The following ERICH1 variants were observed in gnomAD, a reference collection of about 807,000 sequenced individuals.
ERICH1 encodes the protein glutamate-rich protein 1.
In ERICH1, 56 loss-of-function variants were observed where a neutral mutation model predicts 39.6. That is an observed-to-expected ratio of 1.41 (90% CI 1.14 to 1.77). The LOEUF (loss-of-function observed/expected upper bound fraction) is 1.77. Ranked by LOEUF, ERICH1 falls within the 40% of genes most tolerant of loss-of-function variation. The pLI, the probability that ERICH1 is intolerant of heterozygous loss-of-function variation, is 0.00. For synonymous variants in ERICH1, 313 were observed against 223.6 expected (o/e 1.40, Z -3.57); for missense variants, 826 against 575.4 (o/e 1.44, Z -4.45).
intron 2 of ERICH1, among the ~76,000 whole-genome samples, chr8:697,038 C>T (rs1192452236): frequency 6.6e-6 from 1 of 152,190 alleles, no homozygotes; most frequent in African/African-American, 2.4e-5. Context: ...GATCTCCTGT[C>T]CTCAGGGTGA....
chr8:690,723 G>C (rs1808716748), intron 3 of ERICH1, among the ~76,000 whole-genome samples: 1 of 152,284 alleles, frequency 6.6e-6, no homozygotes, highest in Non-Finnish European at 1.5e-5. Context: ...TGAATGCCCA[G>C]GGGGCCTGGT....
At chr8:682,669 T>G (rs531793193) in intron 3 of ERICH1, among the ~76,000 whole-genome samples, 3 of 152,332 alleles carry the variant, frequency 2.0e-5, no homozygotes, top group African/African-American at 7.2e-5. Flanking sequence ...ACACACTAAC[T>G]TTAAAAGGAG....
At chr8:623,321 T>C (rs1797402480) in intron 3 of ERICH1, among the ~76,000 whole-genome samples, 1 of 152,078 alleles carries the variant, frequency 6.6e-6, no homozygotes, top group Non-Finnish European at 1.5e-5. Context: ...AGGAAAGAAA[T>C]TTGAGGAAAC....
At chr8:725,554 C>T (rs73178879) in intron 1 of ERICH1, among the ~76,000 whole-genome samples, 40,613 of 151,930 alleles carry the variant, frequency 0.27, 6,118 homozygotes, top group Non-Finnish European at 0.34. Context: ...GCCCACTTCC[C>T]TCTCCAGCTG....
At position 715,054 on chromosome 8, in the gene ERICH1, T is replaced by A. The variant is rs376148644; in HGVS notation, c.169+807A>T. On this transcript the variant is annotated intron_variant, in intron 2 of 5. Transcript: ENST00000262109. ...GGTGGTCTATTCCCGTGTCTCTCGG[T>A]GGGATGTGCCGCACCCAGGTGGTCT... Among the ~76,000 whole-genome samples, 200 of 152,166 alleles carry A rather than the reference T, an allele frequency of 1.3e-3. 2 individuals carry two copies. In the South Asian group the frequency reaches 0.017, roughly 13 times the overall value.
chr8:615,464 G>A, intron 3 of ERICH1: 1 of 470,966 alleles, frequency 2.1e-6, no homozygotes. Context: ...TAGTGCCTGG[G>A]GTGGCTGTCA....
In ERICH1 at chr8:684,526, C is replaced by T. The variant is rs895375486; in HGVS notation, c.304+7952G>A. 1.8e-4 allele frequency among the ~76,000 whole-genome samples: 28 copies of T among 152,218 alleles called. 1 individual carries two copies. The highest frequency in any genetic ancestry group is 1.7e-3 in the East Asian group (9 of 5,176). ...TTTTGAGTTGAAAACTTAACTAAAACGCTCATTTACTTCACGGGTTTTCAG... is the reference window on the plus strand; with the variant it reads ...TTTTGAGTTGAAAACTTAACTAAAATGCTCATTTACTTCACGGGTTTTCAG... On this transcript the variant is annotated intron_variant, in intron 3 of 5. Coordinates refer to ENST00000262109, the MANE Select transcript of ERICH1 (RefSeq NM_207332.3).
At chr8:664,837 A>G (rs1158762924) in intron 5 of ERICH1, among the ~76,000 whole-genome samples, 161 bp from the exon 6 acceptor site, 1 of 152,260 alleles carries the variant, frequency 6.6e-6, no homozygotes, top group Non-Finnish European at 1.5e-5. Context: ...GTGACACATT[A>G]TACTTGTTAA....
intron 3 of ERICH1, among the ~76,000 whole-genome samples, chr8:679,733 A>G (rs906498420): frequency 1.1e-4 from 16 of 152,366 alleles, no homozygotes; most frequent in African/African-American, 3.8e-4. Flanking sequence ...CTTTTCTCCA[A>G]CAGGTCCTGT....
At chr8:637,151 G>A (rs1798502722) in intron 3 of ERICH1, among the ~76,000 whole-genome samples, 1 of 152,234 alleles carries the variant, frequency 6.6e-6, no homozygotes, top group African/African-American at 2.4e-5. Context: ...GCTTCTCTGG[G>A]CCCATCGGGG....
chr8:638,665 G>A (rs1029249999), intron 3 of ERICH1, among the ~76,000 whole-genome samples: 3 of 152,120 alleles, frequency 2.0e-5, no homozygotes, highest in Non-Finnish European at 2.9e-5. Flanking sequence ...AATTTAAGTT[G>A]CTGTTGTGTC....
intron 2 of ERICH1, among the ~76,000 whole-genome samples, chr8:704,311 C>A (rs953584252): frequency 2.0e-5 from 3 of 152,112 alleles, no homozygotes; most frequent in African/African-American, 7.2e-5. Context: ...GAGGTGAGAC[C>A]GGGAGTTACG....
intron 3 of ERICH1, among the ~76,000 whole-genome samples, chr8:631,110 C>T (rs1305279471): frequency 6.6e-6 from 1 of 152,250 alleles, no homozygotes; most frequent in Non-Finnish European, 1.5e-5. Flanking sequence ...AGCTGACTCA[C>T]ACCCTCCTAT....
chr8:720,244 C>A (rs1046140542), intron 1 of ERICH1, among the ~76,000 whole-genome samples: 1 of 152,188 alleles, frequency 6.6e-6, no homozygotes, highest in African/African-American at 2.4e-5. Flanking sequence ...CGGCAGGACG[C>A]CGAGGTGCCC....
At chr8:617,262 G>C (rs1473524795) in intron 3 of ERICH1, among the ~76,000 whole-genome samples, 1 of 152,170 alleles carries the variant, frequency 6.6e-6, no homozygotes, top group African/African-American at 2.4e-5. Context: ...CTGGGAGCGT[G>C]TTCTAAGTCA....
At chr8:660,658 AT>A (rs934088926), downstream of ERICH1, among the ~76,000 whole-genome samples, 4 of 152,102 alleles carry the variant, frequency 2.6e-5, no homozygotes, top group African/African-American at 9.7e-5. Context: ...AAGAAAATTA[AT>A]TTTTTTTACA....
intron 3 of ERICH1, among the ~76,000 whole-genome samples, chr8:633,868 A>G (rs1798209543): frequency 6.6e-6 from 1 of 152,244 alleles, no homozygotes; most frequent in Non-Finnish European, 1.5e-5. Flanking sequence ...CCTACTTTAC[A>G]GCTGACAAAA....
chr8:701,165 G>C (rs971514535), intron 2 of ERICH1, among the ~76,000 whole-genome samples: 1 of 152,268 alleles, frequency 6.6e-6, no homozygotes, highest in Non-Finnish European at 1.5e-5. Context: ...CCAGGTGGAC[G>C]GGTCTGCCCC....
chr8:692,154 C>G (rs1345360466), intron 3 of ERICH1, among the ~76,000 whole-genome samples: 1 of 152,174 alleles, frequency 6.6e-6, no homozygotes, highest in Non-Finnish European at 1.5e-5. Context: ...AAGACAAGTA[C>G]TGTTAACAAT....
Sources: gnomAD v4.1 joint callset for allele counts (sites outside exome capture counted in the v4.1 genomes callset) on GRCh38, gnomAD v4.1.1 for gene constraint, MANE v1.5 for transcripts, NCBI Gene and HGNC (gene_info 2026-07-23, HGNC 2026-07-21) for gene names.